PDS5A: variants seen among roughly 807,000 people sequenced by gnomAD.
The protein encoded by PDS5A is sister chromatid cohesion protein PDS5 homolog A.
Under a neutral mutation model 167.1 loss-of-function variants are expected in PDS5A, and 42 were observed. The observed-to-expected ratio is 0.25, with a 90% CI of 0.20 to 0.33. The LOEUF (loss-of-function observed/expected upper bound fraction) is 0.33, where lower values mean the gene tolerates loss of function less well. PDS5A is among the 10% of genes least tolerant of loss of function. PDS5A has a pLI of 1.00. For synonymous variants in PDS5A, 553 were observed against 554.6 expected (o/e 1.00, Z 0.04); for missense variants, 1,033 against 1,605.9 (o/e 0.64, Z 6.10).
At chr4:39,947,071 T>A (rs990155438) in intron 2 of PDS5A, among the ~76,000 whole-genome samples, 1 of 152,142 alleles carries the variant, frequency 6.6e-6, no homozygotes, top group African/African-American at 2.4e-5. Context: ...AGGAAGACCC[T>A]ATCTCTATTG....
chr4:39,907,588 TTC>T (rs1474146490), intron 11 of PDS5A, among the ~76,000 whole-genome samples: 1 of 139,954 alleles, frequency 7.1e-6, no homozygotes, highest in Non-Finnish European at 1.6e-5. Context: ...TTCTTTTCTT[TTC>T]TTTTTTTTTT....
At chr4:39,835,646 G>A (rs1330052546) in intron 32 of PDS5A, among the ~76,000 whole-genome samples, 1 of 151,944 alleles carries the variant, frequency 6.6e-6, no homozygotes, top group Non-Finnish European at 1.5e-5. Flanking sequence ...CCTCAGTCTC[G>A]CGAGTAGCTG....
At chr4:39,932,023 CTGGG>C (rs1242769077) in intron 2 of PDS5A, among the ~76,000 whole-genome samples, 1 of 152,010 alleles carries the variant, frequency 6.6e-6, no homozygotes, top group Non-Finnish European at 1.5e-5. Context: ...TCCCAAGTAG[CTGGG>C]AACTACAGGC....
At chr4:39,858,876 C>T (rs948096597) in intron 26 of PDS5A, among the ~76,000 whole-genome samples, 2 of 151,932 alleles carry the variant, frequency 1.3e-5, no homozygotes, top group African/African-American at 4.8e-5. Flanking sequence ...CCACTGTGCC[C>T]GGCTGAAAAC....
chr4:39,885,300 A>G (rs1178601885), intron 17 of PDS5A, among the ~76,000 whole-genome samples: 1 of 146,448 alleles, frequency 6.8e-6, no homozygotes, highest in Non-Finnish European at 1.5e-5. Flanking sequence ...AAAGGAGAAG[A>G]GAAGAGAAGA....
intron 23 of PDS5A, among the ~76,000 whole-genome samples, chr4:39,864,857 T>C (rs1254823184): frequency 6.6e-6 from 1 of 152,232 alleles, no homozygotes; most frequent in Admixed American, 6.5e-5. Context: ...TTATATGATA[T>C]CCAGTTAGGA....
At chr4:39,881,860 C>T (rs746323473) in intron 17 of PDS5A, among the ~76,000 whole-genome samples, 1 of 152,198 alleles carries the variant, frequency 6.6e-6, no homozygotes, top group South Asian at 2.1e-4. Context: ...ATGCCAAGGG[C>T]GGGGCCAGGT....
intron 2 of PDS5A, among the ~76,000 whole-genome samples, chr4:39,942,024 C>A (rs1398363668): frequency 6.6e-6 from 1 of 152,146 alleles, no homozygotes; most frequent in Non-Finnish European, 1.5e-5. Flanking sequence ...CTTATTGCAT[C>A]ATACCCAACT....
At chr4:39,974,899 T>G (rs578125488) in intron 2 of PDS5A, among the ~76,000 whole-genome samples, 1 of 152,080 alleles carries the variant, frequency 6.6e-6, no homozygotes, top group South Asian at 2.1e-4. Context: ...TCATTCGAAG[T>G]CAGGAGATCG....
chr4:39,944,675 C>G (rs1484732459), intron 2 of PDS5A, among the ~76,000 whole-genome samples: 1 of 123,662 alleles, frequency 8.1e-6, no homozygotes, highest in Non-Finnish European at 1.6e-5. Context: ...GCCCGGGCAA[C>G]AACGGCGAAA....
chr4:39,875,512 G>A (rs1279920236), intron 19 of PDS5A, among the ~76,000 whole-genome samples: 1 of 152,146 alleles, frequency 6.6e-6, no homozygotes, highest in East Asian at 1.9e-4. Flanking sequence ...AAATGCAAGG[G>A]TGACAATGCC....
In PDS5A at chr4:39,863,436, C is replaced by T; in HGVS notation, c.2666G>A (p.Arg889Gln). The change falls in exon 24 of 33, where the codon CGA becomes CAA. Residue 889 changes from arginine (R) to glutamine (Q), a missense_variant. Physicochemically the swap from Arg to Gln is conservative, Grantham distance 43. This residue lies in a region of PDS5A where 367 missense variants were observed against 686.7 expected (regional missense o/e 0.53). Coordinates refer to ENST00000303538, the MANE Select transcript of PDS5A (RefSeq NM_001100399.2). ...RISKSDMSRL[R>Q]LAAGSAIMKL... is the part of the protein sequence containing the mutation. ...CATTATGGCACTACCAGCAGCTAAT[C>T]GCAAGCGAGACATATCAGATTTACT... 6.2e-7 allele frequency: 1 copy of T among 1,606,324 alleles called. No homozygotes were observed.
At chr4:39,871,246 A>G (rs1035438119) in intron 21 of PDS5A, among the ~76,000 whole-genome samples, 1 of 152,174 alleles carries the variant, frequency 6.6e-6, no homozygotes, top group African/African-American at 2.4e-5. Context: ...TATGTTAGTG[A>G]ATTTTAACAC....
At chr4:39,894,009 T>C (rs1722186996) in intron 16 of PDS5A, among the ~76,000 whole-genome samples, 2 of 151,814 alleles carry the variant, frequency 1.3e-5, no homozygotes, top group Non-Finnish European at 3.0e-5. Flanking sequence ...GATCTAATTA[T>C]AATAGTAGAT....
chr4:39,971,097 G>A (rs1020406550), intron 2 of PDS5A, among the ~76,000 whole-genome samples: 1 of 151,644 alleles, frequency 6.6e-6, no homozygotes, highest in East Asian at 1.9e-4. Context: ...GAAAACTGAC[G>A]AGAACAGGAC....
intron 26 of PDS5A, among the ~76,000 whole-genome samples, chr4:39,860,500 G>C (rs1408540574): frequency 6.6e-6 from 1 of 151,774 alleles, no homozygotes; most frequent in African/African-American, 2.4e-5. Flanking sequence ...AAAAAGAAAG[G>C]AAATTAGTAG....
intron 11 of PDS5A, among the ~76,000 whole-genome samples, chr4:39,907,371 C>A (rs765250952): frequency 6.6e-6 from 1 of 152,102 alleles, no homozygotes; most frequent in Non-Finnish European, 1.5e-5. Context: ...AATTACTATT[C>A]TACCCTGAAA....
chr4:39,863,100 T>G, intron 24 of PDS5A, 27 bp from the exon 25 acceptor site: 1 of 1,536,068 alleles, frequency 6.5e-7, no homozygotes, highest in Non-Finnish European at 9.0e-7. Context: ...AAACTTAAAT[T>G]GGCAACCATT....
chr4:39,844,644 G>A lies in PDS5A; in HGVS notation c.3548+12C>T. 1 of 1,599,636 alleles carries A rather than the reference G, an allele frequency of 6.3e-7. No homozygotes were observed. The highest frequency in any genetic ancestry group is 8.5e-7 in the Non-Finnish European group (1 of 1,174,600). ...GAGTGCTAGTAACAAAATAATTGGA[G>A]AGAAAAGTTGCCTTGATCGATTTCC... On this transcript the variant is annotated intron_variant, in intron 30 of 32. Transcript: ENST00000303538.
Sources: allele counts gnomAD v4.1 joint callset (sites outside exome capture counted in the v4.1 genomes callset), GRCh38; gene constraint gnomAD v4.1.1; regional missense constraint gnomAD v4.1.1; transcripts MANE v1.5; gene names NCBI Gene and HGNC (gene_info 2026-07-23, HGNC 2026-07-21).